Variants in CSMD1 observed in about 807,000 individuals in gnomAD.
CSMD1 encodes the protein CUB and sushi domain-containing protein 1.
CSMD1 carries 213 observed loss-of-function variants against 417.5 expected under a neutral mutation model. The ratio of observed to expected loss-of-function variants is 0.51; its 90% confidence interval spans 0.46 to 0.57. The LOEUF is 0.57. Ranked by LOEUF, CSMD1 falls within the 20% of genes least tolerant of loss-of-function variation. The pLI is 0.00. For synonymous variants in CSMD1, 2,862 were observed against 1,736.8 expected (o/e 1.65, Z -16.11); for missense variants, 6,923 against 4,529.7 (o/e 1.53, Z -15.17).
intron 2 of CSMD1, among the ~76,000 whole-genome samples, chr8:4,622,410 C>T (rs374107223): frequency 5.3e-5 from 8 of 151,994 alleles, no homozygotes; most frequent in Non-Finnish European, 8.8e-5. Context: ...GCGAGCTACC[C>T]GATGGGGTGA....
chr8:4,225,397 G>A lies in CSMD1; in HGVS notation c.416-193298C>T, dbSNP rs117842525. Among the ~76,000 whole-genome samples, 18 of 151,488 alleles carry A rather than the reference G, an allele frequency of 1.2e-4. No homozygotes were observed. In the East Asian group the frequency reaches 2.7e-3, roughly 23 times the overall value. On this transcript the variant is annotated intron_variant, in intron 3 of 69. Transcript: ENST00000635120. ...CGTGTTTCTCATGAATTTCTAGTTC[G>A]TAAGCCTCTAGATAAGAACATTTTC...
chr8:3,211,515 C>T (rs1046413521), intron 30 of CSMD1, among the ~76,000 whole-genome samples: 1 of 152,188 alleles, frequency 6.6e-6, no homozygotes, highest in Non-Finnish European at 1.5e-5. Flanking sequence ...CCCTTTGTTA[C>T]ATCAAAATGG....
rs192747168 is a variant in CSMD1 at position 3,814,121 on chromosome 8, C to T, written c.819-60079G>A. Among the ~76,000 whole-genome samples, 12 of 152,306 alleles carry T rather than the reference C, an allele frequency of 7.9e-5. No homozygotes were observed. The East Asian group carries it at 2.3e-3, about 29-fold the overall frequency. ...TTGAGATCAGAACCCATGTTCTTTG[C>T]AATAACGTACCAGCTCAGCCCCAGA... is the stretch of plus-strand genomic sequence containing the variant. On this transcript the variant is annotated intron_variant, in intron 5 of 69. Transcript: ENST00000635120.
chr8:4,383,048 A>G (rs904274552), intron 3 of CSMD1, among the ~76,000 whole-genome samples: 9 of 152,180 alleles, frequency 5.9e-5, no homozygotes, highest in African/African-American at 2.2e-4. Flanking sequence ...CTCTGTCAGC[A>G]TTAGGATTCG....
At chr8:4,253,638 GATCT>G (rs541755259) in intron 3 of CSMD1, among the ~76,000 whole-genome samples, 72 of 152,154 alleles carry the variant, frequency 4.7e-4, no homozygotes, top group African/African-American at 1.6e-3. Context: ...GAAGGGGCCA[GATCT>G]ACTTAATAGA....
intron 11 of CSMD1, among the ~76,000 whole-genome samples, chr8:3,490,757 C>T (rs529246402): frequency 2.6e-5 from 4 of 152,148 alleles, no homozygotes; most frequent in Non-Finnish European, 5.9e-5. Context: ...CTGTTCCCAA[C>T]CCTGTCCCAG....
In CSMD1 at chr8:4,174,704, C is replaced by A. The variant is rs550322518; in HGVS notation, c.416-142605G>T. On this transcript the variant is annotated intron_variant, in intron 3 of 69. Transcript: ENST00000635120. Reference sequence around the variant, plus strand: ...TCAAAGAAAAAAGGTGTCTAGAACACTGAAGAGAGAGGAAGAGGGATGTGA... The same window carrying A: ...TCAAAGAAAAAAGGTGTCTAGAACAATGAAGAGAGAGGAAGAGGGATGTGA... 5.0e-4 allele frequency among the ~76,000 whole-genome samples: 34 copies of A among 68,200 alleles called. 1 individual carries two copies. The highest frequency in any genetic ancestry group is 1.6e-3 in the African/African-American group (27 of 16,502). The allele number at this position is 68,200 out of a possible 152,430, so 44.7% of individuals were successfully genotyped here.
At chr8:3,920,075 C>G (rs1809123693) in intron 5 of CSMD1, among the ~76,000 whole-genome samples, 1 of 151,844 alleles carries the variant, frequency 6.6e-6, no homozygotes, top group Non-Finnish European at 1.5e-5. Context: ...CTCCTTCTGC[C>G]CTGGCTAGAC....
intron 5 of CSMD1, among the ~76,000 whole-genome samples, chr8:3,875,545 G>A (rs1449130113): frequency 6.6e-6 from 1 of 152,152 alleles, no homozygotes; most frequent in African/African-American, 2.4e-5. Flanking sequence ...AAGAAGGAAA[G>A]CAGGAGAGGC....
At chr8:4,285,324 T>C (rs1018113533) in intron 3 of CSMD1, among the ~76,000 whole-genome samples, 2 of 152,210 alleles carry the variant, frequency 1.3e-5, no homozygotes, top group East Asian at 3.8e-4. Flanking sequence ...TGCAGTCCTT[T>C]ACTTTATATT....
At chr8:3,166,290 G>T (rs765536912) in intron 37 of CSMD1, among the ~76,000 whole-genome samples, 12 of 152,118 alleles carry the variant, frequency 7.9e-5, no homozygotes, top group Non-Finnish European at 1.5e-4. Context: ...AGGCACTTTG[G>T]GAGGCCGAGG....
chr8:3,653,299 T>G (rs1299130804), intron 7 of CSMD1, among the ~76,000 whole-genome samples: 1 of 151,948 alleles, frequency 6.6e-6, no homozygotes, highest in Non-Finnish European at 1.5e-5. Context: ...AAAACTAAAG[T>G]TATGGGGGTT....
intron 3 of CSMD1, among the ~76,000 whole-genome samples, chr8:4,364,083 G>C (rs188045545): frequency 1.1e-3 from 168 of 152,220 alleles, no homozygotes; most frequent in African/African-American, 3.9e-3. Context: ...AAGTGCTTGA[G>C]GGAATAGCTA....
At chr8:3,084,050 C>G (rs1814339189) in intron 49 of CSMD1, among the ~76,000 whole-genome samples, 1 of 152,066 alleles carries the variant, frequency 6.6e-6, no homozygotes, top group Non-Finnish European at 1.5e-5. Context: ...CTCCTTGGGT[C>G]AGTACACACA....
chr8:4,646,327 T>A (rs1271716276), intron 1 of CSMD1, among the ~76,000 whole-genome samples: 3 of 152,178 alleles, frequency 2.0e-5, no homozygotes, highest in Non-Finnish European at 4.4e-5. Context: ...CTTGGGTCAG[T>A]AGGATTGAGT....
At chr8:3,383,072 T>C (rs917111908) in intron 18 of CSMD1, among the ~76,000 whole-genome samples, 7 of 150,498 alleles carry the variant, frequency 4.7e-5, no homozygotes, top group African/African-American at 1.7e-4. Flanking sequence ...GGAGAAGAAA[T>C]GGATCTGGAC....
intron 11 of CSMD1, among the ~76,000 whole-genome samples, chr8:3,475,576 A>G (rs1158490177): frequency 3.9e-5 from 6 of 152,164 alleles, no homozygotes; most frequent in African/African-American, 1.4e-4. Context: ...TTCCTCATCT[A>G]TGAAACAAGA....
rs1420352173 is a variant in CSMD1 at position 4,236,026 on chromosome 8, G to GCT, written c.415+183926_415+183927insAG. 6.4e-4 allele frequency among the ~76,000 whole-genome samples: 69 copies of GCT among 108,092 alleles called. 1 individual carries two copies. Among genetic ancestry groups the GCT allele is most frequent in the Admixed American group, 8.5e-4 (8 of 9,394 alleles). 70.9% of individuals were successfully genotyped at this position (108,092 alleles called of 152,430 possible). A position where few individuals can be genotyped will look rare whatever the true frequency, so the allele number is the denominator to read the frequency against. On this transcript the variant is annotated intron_variant, in intron 3 of 69. Coordinates refer to ENST00000635120, the MANE Select transcript of CSMD1 (RefSeq NM_033225.6). ...GTGAGCAAAGAGGTTAATGGATATT[G>GCT]TTTTTTTTGTTTGTTTTTTTTTTTT...
At chr8:4,979,191 C>T (rs1314675978) in intron 1 of CSMD1, among the ~76,000 whole-genome samples, 1 of 152,144 alleles carries the variant, frequency 6.6e-6, no homozygotes, top group Non-Finnish European at 1.5e-5. Flanking sequence ...TAGGAGGACA[C>T]ATCTCATAGA....
Sources: allele counts gnomAD v4.1 joint callset (sites outside exome capture counted in the v4.1 genomes callset), GRCh38; gene constraint gnomAD v4.1.1; transcripts MANE v1.5; gene names NCBI Gene and HGNC (gene_info 2026-07-23, HGNC 2026-07-21).